The following HCN1 variants were observed in gnomAD, a reference collection of about 807,000 sequenced individuals.
The protein encoded by HCN1 is potassium/sodium hyperpolarization-activated cyclic nucleotide-gated channel 1.
A neutral mutation model predicts 78.9 loss-of-function variants in HCN1; 13 were observed. The ratio of observed to expected loss-of-function variants is 0.16; its 90% confidence interval spans 0.11 to 0.26. The LOEUF is 0.26. HCN1 is among the 10% of genes least tolerant of loss of function. The probability of loss-of-function intolerance (pLI) is 1.00; values close to 1 mark genes in which losing one functional copy is unlikely to be tolerated. For synonymous variants in HCN1, 552 were observed against 455.5 expected (o/e 1.21, Z -2.70); for missense variants, 810 against 1,154.3 (o/e 0.70, Z 4.32).
intron 2 of HCN1, among the ~76,000 whole-genome samples, chr5:45,557,119 A>C: frequency 6.6e-6 from 1 of 152,180 alleles, no homozygotes; most frequent in East Asian, 1.9e-4. Flanking sequence ...TTTCAACCAC[A>C]ATTAATGCAG....
At chr5:45,662,996 C>A (rs1406137535) in intron 1 of HCN1, among the ~76,000 whole-genome samples, 2 of 128,238 alleles carry the variant, frequency 1.6e-5, no homozygotes, top group Non-Finnish European at 3.3e-5. Flanking sequence ...CCCGCATCGC[C>A]AAGTCAATCC....
intron 2 of HCN1, among the ~76,000 whole-genome samples, chr5:45,489,123 A>C (rs775405203): frequency 6.6e-6 from 1 of 152,192 alleles, no homozygotes; most frequent in African/African-American, 2.4e-5. Context: ...TGTTGGACAC[A>C]GGCTTCAGAG....
chr5:45,310,203 T>C (rs1234691548), intron 5 of HCN1, among the ~76,000 whole-genome samples: 2 of 151,790 alleles, frequency 1.3e-5, no homozygotes, highest in Admixed American at 6.6e-5. Context: ...CACACCAAAA[T>C]AAACTATCAA....
chr5:45,529,692 A>G (rs1416638676), intron 2 of HCN1, among the ~76,000 whole-genome samples: 1 of 152,112 alleles, frequency 6.6e-6, no homozygotes, highest in African/African-American at 2.4e-5. Context: ...AGATGAACAT[A>G]AATATTTTCT....
chr5:45,593,525 CAT>C (rs999976085), intron 2 of HCN1, among the ~76,000 whole-genome samples: 2 of 152,086 alleles, frequency 1.3e-5, no homozygotes, highest in Admixed American at 6.6e-5. Flanking sequence ...GGAATATCCA[CAT>C]GTTTAAGAGA....
At position 45,265,888 on chromosome 5, in the gene HCN1, A is replaced by T. The variant is rs573974220; in HGVS notation, c.1783+1201T>A. On this transcript the variant is annotated intron_variant, in intron 7 of 7. Transcript: ENST00000303230. ...AATAAAAGCAGTGCTGTGATGGGGG[A>T]GCTTCAGAGGCTATAGGAGAATGCA... Among the ~76,000 whole-genome samples the T allele has an allele frequency of 3.9e-5, 6 of 152,222 alleles. No homozygotes were observed. The East Asian group carries it at 1.2e-3, about 29-fold the overall frequency.
intron 2 of HCN1, among the ~76,000 whole-genome samples, chr5:45,583,103 C>G (rs1322153743): frequency 6.6e-6 from 1 of 152,016 alleles, no homozygotes; most frequent in Non-Finnish European, 1.5e-5. Flanking sequence ...AGGAATGGTA[C>G]CAGCTCCTCC....
chr5:45,501,220 T>C (rs985493393), intron 2 of HCN1, among the ~76,000 whole-genome samples: 2 of 152,118 alleles, frequency 1.3e-5, no homozygotes, highest in Non-Finnish European at 2.9e-5. Flanking sequence ...TACCATATTA[T>C]ACTTGAGAGA....
At chr5:45,690,848 T>C (rs143806811) in intron 1 of HCN1, among the ~76,000 whole-genome samples, 2 of 152,174 alleles carry the variant, frequency 1.3e-5, no homozygotes, top group South Asian at 2.1e-4. Flanking sequence ...TCTGCAATAA[T>C]TTGCACTGTA....
intron 5 of HCN1, among the ~76,000 whole-genome samples, chr5:45,337,689 A>C (rs1561112491): frequency 1.3e-5 from 2 of 152,136 alleles, no homozygotes. Flanking sequence ...TGAACAAATA[A>C]ATATTAAGGG....
chr5:45,411,414 T>A (rs1561144568), intron 3 of HCN1, among the ~76,000 whole-genome samples: 1 of 151,926 alleles, frequency 6.6e-6, no homozygotes. Context: ...GATTCAGGCG[T>A]AATTCCTATT....
At chr5:45,404,143 G>A (rs1483076741) in intron 3 of HCN1, among the ~76,000 whole-genome samples, 2 of 152,070 alleles carry the variant, frequency 1.3e-5, no homozygotes, top group Non-Finnish European at 2.9e-5. Context: ...TGAAAATCTA[G>A]GAATGTTTGT....
chr5:45,489,628 C>T (rs1332785562), intron 2 of HCN1, among the ~76,000 whole-genome samples: 1 of 152,066 alleles, frequency 6.6e-6, no homozygotes, highest in East Asian at 1.9e-4. Flanking sequence ...GATCCTTAGG[C>T]AACCAGCTTC....
At chr5:45,410,414 A>G (rs1461484610) in intron 3 of HCN1, among the ~76,000 whole-genome samples, 1 of 151,974 alleles carries the variant, frequency 6.6e-6, no homozygotes, top group African/African-American at 2.4e-5. Context: ...AGGCAAAAGT[A>G]CTCTTATGAG....
At chr5:45,635,828 T>C (rs1329627387) in intron 2 of HCN1, among the ~76,000 whole-genome samples, 2 of 152,288 alleles carry the variant, frequency 1.3e-5, no homozygotes, top group African/African-American at 4.8e-5. Flanking sequence ...TTACAGTGCC[T>C]CATAAATTGA....
At chr5:45,372,749 G>A (rs912743253) in intron 4 of HCN1, among the ~76,000 whole-genome samples, 12 of 139,734 alleles carry the variant, frequency 8.6e-5, no homozygotes, top group East Asian at 2.1e-4. Context: ...AAATATATAC[G>A]TATTCTATAC....
intron 3 of HCN1, among the ~76,000 whole-genome samples, chr5:45,449,841 T>A (rs1740880111): frequency 2.0e-5 from 3 of 152,174 alleles, no homozygotes; most frequent in Non-Finnish European, 2.9e-5. Flanking sequence ...AAGTTGGTTT[T>A]TTTTCTTTTT....
At chr5:45,505,378 T>G (rs1742278246) in intron 2 of HCN1, among the ~76,000 whole-genome samples, 1 of 152,190 alleles carries the variant, frequency 6.6e-6, no homozygotes, top group African/African-American at 2.4e-5. Flanking sequence ...CCATTGCTTG[T>G]TTTTCTCAGG....
chr5:45,587,356 A>ATAC (rs1410738045), intron 2 of HCN1, among the ~76,000 whole-genome samples: 2 of 152,326 alleles, frequency 1.3e-5, no homozygotes, highest in East Asian at 3.9e-4. Context: ...ACACCATGGA[A>ATAC]TACTATGCAG....
Sources: allele counts gnomAD v4.1 joint callset (sites outside exome capture counted in the v4.1 genomes callset), GRCh38; gene constraint gnomAD v4.1.1; transcripts MANE v1.5; gene names NCBI Gene and HGNC (gene_info 2026-07-23, HGNC 2026-07-21).